The following CAMK1D variants were observed in gnomAD, a reference collection of about 807,000 sequenced individuals.
The protein encoded by CAMK1D is calcium/calmodulin-dependent protein kinase type 1D.
A neutral mutation model predicts 47.7 loss-of-function variants in CAMK1D; 9 were observed. The ratio of observed to expected loss-of-function variants is 0.19; its 90% CI spans 0.11 to 0.33. The LOEUF (loss-of-function observed/expected upper bound fraction) is 0.33, where lower values mean the gene tolerates loss of function less well. CAMK1D is among the 10% of genes least tolerant of loss of function. The pLI is 1.00. For synonymous variants in CAMK1D, 184 were observed against 184.9 expected, an observed-to-expected ratio of 0.99 and a Z score of 0.04; for missense variants, 291 against 488.7, an observed-to-expected ratio of 0.60 and a Z score of 3.81.
intron 10 of CAMK1D, among the ~76,000 whole-genome samples, chr10:12,827,647 T>C (rs1833304303): frequency 1.7e-4 from 1 of 6,056 alleles, no homozygotes. Flanking sequence ...CCCTCTCCCC[T>C]CTCCTCTCTC....
intron 1 of CAMK1D, among the ~76,000 whole-genome samples, chr10:12,473,232 A>G (rs1262126823): frequency 1.3e-5 from 2 of 152,170 alleles, no homozygotes; most frequent in Non-Finnish European, 2.9e-5. Context: ...CACTTGGAAA[A>G]AGTAGGCTGT....
intron 1 of CAMK1D, among the ~76,000 whole-genome samples, chr10:12,549,176 C>T (rs535831639): frequency 4.2e-4 from 64 of 152,270 alleles, no homozygotes; most frequent in African/African-American, 1.5e-3. Context: ...TTTCATCTTC[C>T]CAAATGGAAA....
intron 2 of CAMK1D, among the ~76,000 whole-genome samples, chr10:12,579,674 A>G (rs982558034): frequency 1.3e-5 from 2 of 152,082 alleles, no homozygotes; most frequent in African/African-American, 2.4e-5. Flanking sequence ...AATCTTGACC[A>G]TCTCTCAAGC....
chr10:12,376,358 G>A (rs1251992305), intron 1 of CAMK1D, among the ~76,000 whole-genome samples: 1 of 152,014 alleles, frequency 6.6e-6, no homozygotes, highest in Non-Finnish European at 1.5e-5. Context: ...GAATAAGTCA[G>A]AGGGCGGGGA....
chr10:12,515,033 TTTTA>T (rs1835150963), intron 1 of CAMK1D, among the ~76,000 whole-genome samples: 1 of 151,850 alleles, frequency 6.6e-6, no homozygotes, highest in Non-Finnish European at 1.5e-5. Context: ...TTTTTTTATT[TTTTA>T]TTTTTAGTAG....
At chr10:12,595,679 T>C (rs77003113) in intron 2 of CAMK1D, among the ~76,000 whole-genome samples, 7,620 of 152,150 alleles carry the variant, frequency 0.05, 212 homozygotes, top group Middle Eastern at 0.082. Flanking sequence ...CCAGGGTGAG[T>C]GTTCAGCTGC....
intron 1 of CAMK1D, among the ~76,000 whole-genome samples, chr10:12,368,361 G>A (rs951931903): frequency 2.7e-4 from 41 of 151,944 alleles, no homozygotes; most frequent in African/African-American, 9.9e-4. Flanking sequence ...AGCCATGATG[G>A]CACTGCTATA....
intron 1 of CAMK1D, among the ~76,000 whole-genome samples, chr10:12,397,654 G>T (rs1487506064): frequency 6.6e-6 from 1 of 152,212 alleles, no homozygotes; most frequent in East Asian, 1.9e-4. Flanking sequence ...GAAGCGCTCA[G>T]TGATGGTCTC....
In CAMK1D at chr10:12,801,354, T is replaced by TATCTATCTATCTTATC. The variant is rs57429397; in HGVS notation, c.641+10121_641+10122insATCTATCTATCTTATC. ...CTATCTATCTATCTATCTATCTATCTTATCTATCTATCTATCTATCTATCT... is the reference window on the plus strand; with the variant it reads ...CTATCTATCTATCTATCTATCTATCTATCTATCTATCTTATCTATCTATCTATCTATCTATCTATCT... On this transcript the variant is annotated intron_variant, in intron 6 of 10. Transcript: ENST00000619168. 3.4e-3 allele frequency among the ~76,000 whole-genome samples: 226 copies of TATCTATCTATCTTATC among 66,478 alleles called. 1 individual carries two copies. Among genetic ancestry groups the TATCTATCTATCTTATC allele is most frequent in the South Asian group, 4.9e-3 (9 of 1,832 alleles). 43.6% of individuals were successfully genotyped at this position (66,478 alleles called of 152,430 possible).
Position 12,835,331 on chromosome 10 carries a change from AG to A in CAMK1D, c.*6445del, listed in dbSNP as rs1833488428. 1.3e-5 allele frequency: 2 copies of A among 152,214 alleles called. No homozygotes were observed. Among genetic ancestry groups the A allele is most frequent in the Admixed American group, 1.3e-4 (2 of 15,288 alleles). 9.4% of individuals were successfully genotyped at this position (152,214 alleles called of 1,614,324 possible). On this transcript the variant is annotated 3_prime_UTR_variant, in exon 11 of 11. Transcript: ENST00000619168. Reference sequence around the variant, plus strand: ...TCCCATAAAAACATGTTTGTCCAAAAGAAGGGAAACTGTGAATTTATTCCAT... The same window carrying A: ...TCCCATAAAAACATGTTTGTCCAAAAAAGGGAAACTGTGAATTTATTCCAT...
intron 3 of CAMK1D, among the ~76,000 whole-genome samples, chr10:12,733,185 T>G (rs1197311213): frequency 6.6e-6 from 1 of 152,240 alleles, no homozygotes; most frequent in Non-Finnish European, 1.5e-5. Context: ...CCACCTTTTC[T>G]GAGCCTTTGT....
At position 12,806,051 on chromosome 10, in the gene CAMK1D, C is replaced by T. The variant is rs188075761; in HGVS notation, c.642-8144C>T. 9.8e-4 allele frequency among the ~76,000 whole-genome samples: 149 copies of T among 152,284 alleles called. 1 individual carries two copies. The highest frequency in any genetic ancestry group is 3.3e-3 in the African/African-American group (138 of 41,566). ...ACATCACTGAGCATAGACCTGTGCA[C>T]GGGGCTTTGGGGGAGAGCAGGTCAC... is the stretch of plus-strand genomic sequence containing the variant. On this transcript the variant is annotated intron_variant, in intron 6 of 10. Transcript: ENST00000619168.
intron 2 of CAMK1D, among the ~76,000 whole-genome samples, chr10:12,566,821 A>C (rs1837139416): frequency 6.6e-6 from 1 of 152,204 alleles, no homozygotes; most frequent in African/African-American, 2.4e-5. Flanking sequence ...GCCAGATTCC[A>C]CAATGGGATA....
rs539787035 is a variant in CAMK1D at position 12,615,614 on chromosome 10, A to C, written c.225-51122A>C. 2.1e-5 allele frequency among the ~76,000 whole-genome samples: 3 copies of C among 145,666 alleles called. No homozygotes were observed. The East Asian group carries it at 6.2e-4, about 30-fold the overall frequency. On this transcript the variant is annotated intron_variant, in intron 2 of 10. Transcript: ENST00000619168. ...GTGTATTGTGTTTGCAAGTATGTATACGTATGTGTAGTGTGAGTGCACGTG... is the reference window on the plus strand; with the variant it reads ...GTGTATTGTGTTTGCAAGTATGTATCCGTATGTGTAGTGTGAGTGCACGTG...
intron 4 of CAMK1D, among the ~76,000 whole-genome samples, chr10:12,769,391 G>T (rs188044008): frequency 6.6e-6 from 1 of 152,266 alleles, no homozygotes; most frequent in South Asian, 2.1e-4. Context: ...CAAAGCAATC[G>T]GCTTTCTAGA....
At chr10:12,354,008 C>T (rs977833577) in intron 1 of CAMK1D, among the ~76,000 whole-genome samples, 4 of 152,124 alleles carry the variant, frequency 2.6e-5, no homozygotes, top group Admixed American at 6.5e-5. Context: ...CTAGGAAGCA[C>T]CCTAGACTCA....
intron 2 of CAMK1D, among the ~76,000 whole-genome samples, chr10:12,553,660 T>G (rs950984600): frequency 6.6e-6 from 1 of 152,206 alleles, no homozygotes; most frequent in Non-Finnish European, 1.5e-5. Context: ...TACAGAGCCC[T>G]GAGTCTTCTC....
At chr10:12,507,077 T>TA (rs1317651186) in intron 1 of CAMK1D, among the ~76,000 whole-genome samples, 1 of 152,214 alleles carries the variant, frequency 6.6e-6, no homozygotes, top group Non-Finnish European at 1.5e-5. Flanking sequence ...AGTGGCTCAT[T>TA]AAAAAATGTA....
At chr10:12,385,239 G>A (rs1430503163) in intron 1 of CAMK1D, among the ~76,000 whole-genome samples, 1 of 152,172 alleles carries the variant, frequency 6.6e-6, no homozygotes, top group Non-Finnish European at 1.5e-5. Flanking sequence ...CAGCCATTCT[G>A]TTCCTAGGTA....
Sources: gnomAD v4.1 joint callset for allele counts (sites outside exome capture counted in the v4.1 genomes callset) on GRCh38, gnomAD v4.1.1 for gene constraint, MANE v1.5 for transcripts, NCBI Gene and HGNC (gene_info 2026-07-23, HGNC 2026-07-21) for gene names.